Variants in AXIN1 observed in about 807,000 individuals in gnomAD.
The protein encoded by AXIN1 is axin 1.
A neutral mutation model predicts 76.4 loss-of-function variants in AXIN1; 30 were observed. The ratio of observed to expected loss-of-function variants is 0.39; its 90% CI spans 0.29 to 0.53. The LOEUF (loss-of-function observed/expected upper bound fraction) is 0.53, where lower values mean the gene tolerates loss of function less well. AXIN1 is among the 20% of genes least tolerant of loss of function. The pLI, the probability that AXIN1 is intolerant of heterozygous loss-of-function variation, is 0.66. For synonymous variants in AXIN1, 545 were observed against 501.4 expected (o/e 1.09, Z -1.16); for missense variants, 1,140 against 1,198.8 (o/e 0.95, Z 0.72).
chr16:300,737 C>A (rs1684288803), intron 5 of AXIN1, among the ~76,000 whole-genome samples: 1 of 152,144 alleles, frequency 6.6e-6, no homozygotes, highest in Non-Finnish European at 1.5e-5. Flanking sequence ...AGCTATGCTG[C>A]CTCCCTTTCC....
chr16:308,729 C>T (rs1035700675), intron 4 of AXIN1, among the ~76,000 whole-genome samples: 1 of 152,198 alleles, frequency 6.6e-6, no homozygotes, highest in Non-Finnish European at 1.5e-5. Flanking sequence ...AGATCTTCCA[C>T]AGCACAAGCA....
At position 287,827 on chromosome 16, in the gene AXIN1, T is replaced by TTG. The variant is rs754831777; in HGVS notation, c.*294_*295insCA. 1.7e-4 allele frequency: 83 copies of TTG among 492,790 alleles called. No individual in the cohort carries two copies. The highest frequency in any genetic ancestry group is 1.2e-3 in the East Asian group (35 of 28,140). The allele number at this position is 492,790 out of a possible 1,614,324, so 30.5% of individuals were successfully genotyped here. A position where few individuals can be genotyped will look rare whatever the true frequency, so the allele number is the denominator to read the frequency against. ...CGTGCCCAAGGGAGGTGCCGGGGGA[T>TTG]GGGGGGGGGTCACCTGAAGCTGGCA... On this transcript the variant is annotated 3_prime_UTR_variant, in exon 11 of 11. Transcript: ENST00000262320.
Position 287,541 on chromosome 16 carries a change from C to T in AXIN1, c.*581G>A, listed in dbSNP as rs2052413530. The T allele has an allele frequency of 3.3e-6, 1 of 307,116 alleles. No homozygotes were observed. The highest frequency in any genetic ancestry group is 4.9e-5 in the East Asian group (1 of 20,298). 19.0% of individuals were successfully genotyped at this position (307,116 alleles called of 1,614,324 possible). ...CATGAAAAACAGACTCGGGCAGCCCCTGCTGGCCTAGCCTGAGAAATGTAC... is the reference window on the plus strand; with the variant it reads ...CATGAAAAACAGACTCGGGCAGCCCTTGCTGGCCTAGCCTGAGAAATGTAC... On this transcript the variant is annotated 3_prime_UTR_variant, in exon 11 of 11. Transcript: ENST00000262320.
At chr16:291,017 G>A in intron 9 of AXIN1, 173 bp downstream of exon 9, 2 of 683,928 alleles carry the variant, frequency 2.9e-6, no homozygotes, top group Non-Finnish European at 5.3e-6. Flanking sequence ...GGAGACAGGA[G>A]AAGGCTCTCG....
At chr16:318,797 C>G (rs1567285038) in intron 2 of AXIN1, among the ~76,000 whole-genome samples, 1 of 152,196 alleles carries the variant, frequency 6.6e-6, no homozygotes, top group Non-Finnish European at 1.5e-5. Context: ...ACCTGCACTT[C>G]TCAGACAGTG....
In AXIN1 at chr16:352,353, G is replaced by A. The variant is rs2054163966; in HGVS notation, c.-82+16C>T. The A allele has an allele frequency of 1.0e-6, 1 of 980,412 alleles. No homozygotes were observed. Among genetic ancestry groups the A allele is most frequent in the African/African-American group, 1.8e-5 (1 of 56,692 alleles). The allele number at this position is 980,412 out of a possible 1,614,324, so 60.7% of individuals were successfully genotyped here. A position where few individuals can be genotyped will look rare whatever the true frequency, so the allele number is the denominator to read the frequency against. On this transcript the variant is annotated intron_variant, in intron 1 of 10. Coordinates refer to ENST00000262320, the MANE Select transcript of AXIN1 (RefSeq NM_003502.4). ...CTACCGCGGCCTAGCCCGCCCCGGA[G>A]CCCGGCCCTACTCACCCGCGCGCGG...
intron 2 of AXIN1, among the ~76,000 whole-genome samples, chr16:341,670 C>T (rs950662833): frequency 8.8e-5 from 12 of 137,120 alleles, no homozygotes; most frequent in Middle Eastern, 3.9e-3. Flanking sequence ...CCTGCAACCC[C>T]GGTGCGGGAT....
chr16:300,874 G>A (rs1171220781), intron 5 of AXIN1, among the ~76,000 whole-genome samples: 1 of 152,220 alleles, frequency 6.6e-6, no homozygotes, highest in Non-Finnish European at 1.5e-5. Flanking sequence ...CACATCGGCA[G>A]GAATTCTATC....
rs2052431811 is a variant in AXIN1 at position 287,989 on chromosome 16, G to T, written c.*133C>A. On this transcript the variant is annotated 3_prime_UTR_variant, in exon 11 of 11. Transcript: ENST00000262320. ...ACCCCCTACCTGCCTCTAGACACGG[G>T]TAGACCACAGGGATGGGTGGTACAC... 15 of 1,484,394 alleles carry T rather than the reference G, an allele frequency of 1.0e-5. No homozygotes were observed. Among genetic ancestry groups the T allele is most frequent in the Non-Finnish European group, 1.4e-5 (15 of 1,077,706 alleles). 92.0% of individuals were successfully genotyped at this position (1,484,394 alleles called of 1,614,324 possible). A position where few individuals can be genotyped will look rare whatever the true frequency, so the allele number is the denominator to read the frequency against.
intron 2 of AXIN1, among the ~76,000 whole-genome samples, chr16:343,218 C>G (rs894359061): frequency 6.6e-6 from 1 of 152,182 alleles, no homozygotes; most frequent in African/African-American, 2.4e-5. Flanking sequence ...GCCAATGTAT[C>G]CCACTAATTT....
intron 1 of AXIN1, among the ~76,000 whole-genome samples, chr16:349,400 C>T (rs1490391865): frequency 1.3e-5 from 2 of 152,176 alleles, no homozygotes; most frequent in Non-Finnish European, 2.9e-5. Context: ...CACTAGCTCA[C>T]GGTCATCTGT....
In AXIN1 at chr16:310,008, GC is replaced by G; in HGVS notation, c.1080del (p.Gln361ArgfsTer53). ...GGTAGGGGCACCCGCCCATTGACCT[GC>G]ACGCTCTCCTGCATCTCCCTGCGGT... is the stretch of plus-strand genomic sequence containing the variant. The part of the protein sequence containing the change: ...KQHRREMQES[V>X]QVNGRVPLPH... On this transcript the variant is annotated frameshift_variant, in exon 4 of 11. Transcript: ENST00000262320. LOFTEE classifies it high-confidence loss of function. 1 of 1,613,498 alleles carries G rather than the reference GC, an allele frequency of 6.2e-7. No homozygotes were observed. The highest frequency in any genetic ancestry group is 8.5e-7 in the Non-Finnish European group (1 of 1,179,992).
chr16:343,837 C>G (rs1418221986), intron 2 of AXIN1, among the ~76,000 whole-genome samples: 2 of 151,052 alleles, frequency 1.3e-5, no homozygotes, highest in African/African-American at 4.9e-5. Context: ...GAAACGCTGT[C>G]TCTACCACAA....
Position 293,368 on chromosome 16 carries a change from C to G in AXIN1, c.2186+120G>C. The G allele has an allele frequency of 2.0e-6, 2 of 1,012,966 alleles. No individual in the cohort carries two copies. The highest frequency in any genetic ancestry group is 2.9e-6 in the Non-Finnish European group (2 of 682,912). 62.7% of individuals were successfully genotyped at this position (1,012,966 alleles called of 1,614,324 possible). ...CAGTGGATGGAAGGGCCCAGTATGGCTGGGGGACACCCAGAGGGCCGTTTT... is the reference window on the plus strand; with the variant it reads ...CAGTGGATGGAAGGGCCCAGTATGGGTGGGGGACACCCAGAGGGCCGTTTT... On this transcript the variant is annotated intron_variant, in intron 8 of 10. Transcript: ENST00000262320. This position sits in a 1 kb window ranked among gnomAD's most constrained non-coding sequence, Gnocchi z 4.6.
Position 301,097 on chromosome 16 carries a change from C to T in AXIN1, c.1255-2846G>A, listed in dbSNP as rs1010032062. On this transcript the variant is annotated intron_variant, in intron 5 of 10. Coordinates refer to ENST00000262320, the MANE Select transcript of AXIN1 (RefSeq NM_003502.4). Reference sequence around the variant, plus strand: ...CATCCTGGCTAACATGGTGAAACCCCGTCTCTACTAAAAATACAAAAAAAT... The same window carrying T: ...CATCCTGGCTAACATGGTGAAACCCTGTCTCTACTAAAAATACAAAAAAAT... 3.9e-5 allele frequency among the ~76,000 whole-genome samples: 6 copies of T among 151,930 alleles called. No individual in the cohort carries two copies. The East Asian group carries it at 7.8e-4, about 20-fold the overall frequency.
chr16:304,506 A>T (rs2141548327), intron 4 of AXIN1, 65 bp from the exon 5 acceptor site: 1 of 1,607,686 alleles, frequency 6.2e-7, no homozygotes, highest in Non-Finnish European at 8.5e-7. Context: ...TTCTTTGTGA[A>T]GGGAAAGAGC....
At chr16:317,475 G>A (rs138431664) in intron 2 of AXIN1, among the ~76,000 whole-genome samples, 8 of 152,208 alleles carry the variant, frequency 5.3e-5, no homozygotes, top group Non-Finnish European at 1.0e-4. Context: ...TGCCAGGGCC[G>A]ATGTCCACGA....
intron 2 of AXIN1, among the ~76,000 whole-genome samples, chr16:336,816 C>CAAAAAAA (rs57147459): frequency 1.2e-4 from 9 of 77,078 alleles, no homozygotes; most frequent in African/African-American, 4.2e-4. Context: ...GACTCCGCCT[C>CAAAAAAA]AAAAAAAAAA....
At chr16:290,991 C>A in intron 9 of AXIN1, 199 bp downstream of exon 9, 1 of 640,376 alleles carries the variant, frequency 1.6e-6, no homozygotes. Flanking sequence ...GCTGGACAGT[C>A]AGCGTCTCCT....
Sources: allele counts gnomAD v4.1 joint callset (sites outside exome capture counted in the v4.1 genomes callset), GRCh38; gene constraint gnomAD v4.1.1; non-coding constraint Gnocchi (gnomAD v3.1); transcripts MANE v1.5; gene names NCBI Gene and HGNC (gene_info 2026-07-23, HGNC 2026-07-21).